Variants in CSGALNACT1 observed in about 807,000 individuals in gnomAD.
CSGALNACT1 encodes the protein beta4GalNAcT-1.
CSGALNACT1 carries 52 observed loss-of-function variants against 51.0 expected under a neutral mutation model. The observed-to-expected ratio is 1.02, with a 90% CI of 0.82 to 1.29. CSGALNACT1 has a LOEUF of 1.29. Ranked by LOEUF, CSGALNACT1 falls within the 50% of genes most tolerant of loss-of-function variation. CSGALNACT1 has a pLI of 0.00. For missense variants in CSGALNACT1, 935 were observed against 679.2 expected, an observed-to-expected ratio of 1.38 and a Z score of -4.19; for synonymous variants, 341 against 254.4, an observed-to-expected ratio of 1.34 and a Z score of -3.24.
intron 3 of CSGALNACT1, among the ~76,000 whole-genome samples, chr8:19,560,473 GATCA>G (rs1030424618): frequency 4.6e-5 from 7 of 152,122 alleles, no homozygotes; most frequent in Non-Finnish European, 1.0e-4. Flanking sequence ...GTAGGAAAGA[GATCA>G]GTCACATGTA....
chr8:19,678,507 T>G (rs2060360133), intron 1 of CSGALNACT1: 1 of 152,104 alleles, frequency 6.6e-6, no homozygotes, highest in African/African-American at 2.4e-5. Context: ...GTCAGGCACG[T>G]AATAGAAAAT....
chr8:19,562,753 T>C (rs1206694370), intron 3 of CSGALNACT1, among the ~76,000 whole-genome samples: 1 of 152,196 alleles, frequency 6.6e-6, no homozygotes, highest in Non-Finnish European at 1.5e-5. Context: ...CCAGTCAGAA[T>C]GGTGATTATT....
At chr8:19,553,382 AT>A (rs1396921070) in intron 3 of CSGALNACT1, among the ~76,000 whole-genome samples, 1 of 151,932 alleles carries the variant, frequency 6.6e-6, no homozygotes, top group Non-Finnish European at 1.5e-5. Flanking sequence ...GTGAACCAAA[AT>A]TTCACTAAAT....
intron 1 of CSGALNACT1, among the ~76,000 whole-genome samples, chr8:19,608,989 A>G (rs2051798095): frequency 6.6e-6 from 1 of 152,152 alleles, no homozygotes; most frequent in African/African-American, 2.4e-5. Context: ...CTTTTTCTGT[A>G]TCAATTTCTG....
chr8:19,600,181 C>G (rs4633073), intron 2 of CSGALNACT1, among the ~76,000 whole-genome samples: 124,320 of 152,088 alleles, frequency 0.82, 51,021 homozygotes, highest in East Asian at 1. Context: ...CTCCCCTGTT[C>G]AAGCGATTCT....
chr8:19,684,562 C>T (rs116036401), upstream of CSGALNACT1, among the ~76,000 whole-genome samples: 1,260 of 152,192 alleles, frequency 8.3e-3, 18 homozygotes, highest in African/African-American at 0.028. Context: ...GAACAGATGC[C>T]TCCTCCCCTC....
intron 8 of CSGALNACT1, among the ~76,000 whole-genome samples, chr8:19,412,788 C>T (rs368926622): frequency 6.6e-6 from 1 of 152,090 alleles, no homozygotes; most frequent in African/African-American, 2.4e-5. Flanking sequence ...GAGGAGAAGA[C>T]TCCCTGAGCT....
At chr8:19,595,205 A>C (rs924141909) in intron 2 of CSGALNACT1, among the ~76,000 whole-genome samples, 2 of 152,182 alleles carry the variant, frequency 1.3e-5, no homozygotes, top group Non-Finnish European at 2.9e-5. Flanking sequence ...TCCCGTTTTA[A>C]ATTTTATTAA....
At chr8:19,551,564 G>A (rs1476009789) in intron 3 of CSGALNACT1, among the ~76,000 whole-genome samples, 2 of 152,118 alleles carry the variant, frequency 1.3e-5, no homozygotes, top group African/African-American at 4.8e-5. Flanking sequence ...TTCAGCGTTC[G>A]GCTTCCTATT....
chr8:19,457,433 C>G (rs914189992), intron 5 of CSGALNACT1: 1 of 358,692 alleles, frequency 2.8e-6, no homozygotes, highest in Non-Finnish European at 5.4e-6. Flanking sequence ...GCCAAAATGG[C>G]GAAACCCGGT....
intron 4 of CSGALNACT1, among the ~76,000 whole-genome samples, chr8:19,492,167 A>T (rs1315907712): frequency 6.6e-6 from 1 of 152,236 alleles, no homozygotes; most frequent in East Asian, 1.9e-4. Flanking sequence ...ACAAAATGCT[A>T]ACTATATGCG....
intron 3 of CSGALNACT1, among the ~76,000 whole-genome samples, chr8:19,538,797 T>C (rs1297761857): frequency 3.3e-5 from 5 of 152,092 alleles, no homozygotes; most frequent in African/African-American, 4.8e-5. Flanking sequence ...AGGCCTCCTA[T>C]CCTGGTTCCG....
chr8:19,690,324 A>G (rs2061232254), intron 1 of CSGALNACT1, among the ~76,000 whole-genome samples: 1 of 152,216 alleles, frequency 6.6e-6, no homozygotes, highest in African/African-American at 2.4e-5. Context: ...ATCCAGATTA[A>G]TTCTCCATAC....
intron 5 of CSGALNACT1, among the ~76,000 whole-genome samples, chr8:19,454,129 T>C (rs1563481292): frequency 6.6e-6 from 1 of 152,158 alleles, no homozygotes; most frequent in Admixed American, 6.5e-5. Context: ...TGACAGTGTG[T>C]CCCATGAATT....
At chr8:19,631,408 G>C (rs1284764673) in intron 1 of CSGALNACT1, among the ~76,000 whole-genome samples, 1 of 152,156 alleles carries the variant, frequency 6.6e-6, no homozygotes, top group Non-Finnish European at 1.5e-5. Context: ...TCTTGGATGT[G>C]TCTAATAGCT....
chr8:19,439,732 G>A (rs2060996711), intron 6 of CSGALNACT1, 98 bp downstream of exon 5: 3 of 934,518 alleles, frequency 3.2e-6, no homozygotes, highest in Admixed American at 3.9e-5. Flanking sequence ...CACCCACAGT[G>A]TAAAGGAAAA....
chr8:19,667,020 G>GAAAAGAAAGAAAGA (rs1564386482), intron 1 of CSGALNACT1, among the ~76,000 whole-genome samples: 1 of 27,274 alleles, frequency 3.7e-5, no homozygotes, highest in Non-Finnish European at 6.7e-5. Context: ...AGAAAGAAAG[G>GAAAAGAAAGAAAGA]AAGGAAGGAA....
At chr8:19,457,483 G>A (rs1475942235) in intron 5 of CSGALNACT1, 1 of 387,122 alleles carries the variant, frequency 2.6e-6, no homozygotes, top group Non-Finnish European at 4.9e-6. Flanking sequence ...CATGGTAATG[G>A]GCATCTGTAA....
chr8:19,657,347 T>C lies in CSGALNACT1; in HGVS notation c.-544+25126A>G, dbSNP rs918460399. On this transcript the variant is annotated intron_variant, in intron 1 of 9. Transcript: ENST00000332246. Reference sequence around the variant, plus strand: ...TGTCAAACATGTCTAACAGATCCAATCGAATTTCTATGAGAAAAGGAAAGA... The same window carrying C: ...TGTCAAACATGTCTAACAGATCCAACCGAATTTCTATGAGAAAAGGAAAGA... 2.6e-4 allele frequency among the ~76,000 whole-genome samples: 39 copies of C among 149,094 alleles called. 1 individual carries two copies. The highest frequency in any genetic ancestry group is 9.4e-4 in the African/African-American group (38 of 40,602).
Sources: allele counts gnomAD v4.1 joint callset (sites outside exome capture counted in the v4.1 genomes callset), GRCh38; gene constraint gnomAD v4.1.1; transcripts MANE v1.5; gene names NCBI Gene and HGNC (gene_info 2026-07-23, HGNC 2026-07-21).